Variants in COL24A1 observed in about 807,000 individuals in gnomAD.
The protein encoded by COL24A1 is collagen alpha-1(XXIV) chain.
COL24A1 carries 224 observed loss-of-function variants against 253.9 expected under a neutral mutation model. The ratio of observed to expected loss-of-function variants is 0.88; its 90% CI spans 0.79 to 0.99. The LOEUF is 0.99. COL24A1 is among the 50% of genes least tolerant of loss of function. COL24A1 has a pLI of 0.00. For synonymous variants in COL24A1, 685 were observed against 673.7 expected (o/e 1.02, Z -0.26); for missense variants, 2,131 against 2,068.5 (o/e 1.03, Z -0.59).
intron 47 of COL24A1, among the ~76,000 whole-genome samples, chr1:85,803,748 G>A (rs567007909): frequency 1.0e-3 from 159 of 152,106 alleles, no homozygotes; most frequent in African/African-American, 3.1e-3. Flanking sequence ...TCAGTTTTCC[G>A]TAGATTTTGG....
intron 31 of COL24A1, 76 bp downstream of exon 31, chr1:85,895,778 CCAAA>C (rs1489847622): frequency 2.4e-5 from 27 of 1,137,374 alleles, no homozygotes; most frequent in Middle Eastern, 2.8e-4. Flanking sequence ...AAAAAATCCC[CCAAA>C]CATTGTTTGA....
At chr1:86,137,156 G>A (rs11161750) in intron 2 of COL24A1, among the ~76,000 whole-genome samples, 66,902 of 151,910 alleles carry the variant, frequency 0.44, 16,787 homozygotes, top group Non-Finnish European at 0.57. Flanking sequence ...CTAAGTTGCC[G>A]GAAGTAAATT....
At chr1:86,156,965 T>C (rs1653718106), upstream of COL24A1, 2 of 152,322 alleles carry the variant, frequency 1.3e-5, no homozygotes, top group Admixed American at 1.3e-4. Context: ...TGCCGCCGGC[T>C]GCTTTGCCTG....
At chr1:85,777,331 A>G (rs1668646937) in intron 52 of COL24A1, among the ~76,000 whole-genome samples, 1 of 152,120 alleles carries the variant, frequency 6.6e-6, no homozygotes, top group South Asian at 2.1e-4. Context: ...ACAACCTGGT[A>G]TGTATGTTTT....
chr1:85,773,890 A>G (rs1225993171), intron 53 of COL24A1, among the ~76,000 whole-genome samples: 2 of 152,300 alleles, frequency 1.3e-5, no homozygotes, highest in South Asian at 4.1e-4. Context: ...TTCCCTGGCC[A>G]GAACTTCCAA....
intron 52 of COL24A1, among the ~76,000 whole-genome samples, chr1:85,777,974 C>G (rs1443700745): frequency 6.6e-6 from 1 of 151,790 alleles, no homozygotes; most frequent in Non-Finnish European, 1.5e-5. Flanking sequence ...ATTGAACTTT[C>G]TTTTTCAAAC....
intron 20 of COL24A1, among the ~76,000 whole-genome samples, chr1:85,982,940 T>C (rs1364433157): frequency 6.6e-6 from 1 of 152,034 alleles, no homozygotes; most frequent in Non-Finnish European, 1.5e-5. Flanking sequence ...TCTTCAGGAC[T>C]GGGTCAAAGT....
chr1:86,073,287 T>A (rs1702000037), intron 7 of COL24A1, among the ~76,000 whole-genome samples: 4 of 152,100 alleles, frequency 2.6e-5, no homozygotes, highest in African/African-American at 7.2e-5. Context: ...ATAAATGACC[T>A]GATGGAGCTG....
intron 7 of COL24A1, among the ~76,000 whole-genome samples, chr1:86,073,929 T>C (rs1264558648): frequency 1.3e-5 from 2 of 152,166 alleles, no homozygotes; most frequent in Non-Finnish European, 2.9e-5. Flanking sequence ...GTGAGAGATT[T>C]TGTCACCACC....
At chr1:85,778,855 C>T (rs192728772) in intron 52 of COL24A1, among the ~76,000 whole-genome samples, 4 of 152,168 alleles carry the variant, frequency 2.6e-5, no homozygotes, top group East Asian at 1.9e-4. Flanking sequence ...CTGCCCACCT[C>T]GGCCTCCCAA....
At chr1:86,002,765 G>A (rs1335858324) in intron 19 of COL24A1, among the ~76,000 whole-genome samples, 1 of 152,148 alleles carries the variant, frequency 6.6e-6, no homozygotes, top group Non-Finnish European at 1.5e-5. Context: ...TGAAGATTTA[G>A]GATCCCAGTG....
At chr1:85,920,001 T>C (rs1686284137) in intron 24 of COL24A1, among the ~76,000 whole-genome samples, 1 of 152,210 alleles carries the variant, frequency 6.6e-6, no homozygotes, top group African/African-American at 2.4e-5. Flanking sequence ...CAAATCAATT[T>C]CTTCAATAAA....
chr1:86,120,425 T>C (rs1004570736), intron 3 of COL24A1, among the ~76,000 whole-genome samples: 1 of 152,016 alleles, frequency 6.6e-6, no homozygotes, highest in South Asian at 2.1e-4. Context: ...AATCTACAAA[T>C]AACTTAAACA....
chr1:85,854,343 A>G (rs1678167520), intron 37 of COL24A1, among the ~76,000 whole-genome samples: 1 of 152,132 alleles, frequency 6.6e-6, no homozygotes, highest in Non-Finnish European at 1.5e-5. Context: ...TTGTACCAGT[A>G]CAATATTGTT....
intron 28 of COL24A1, among the ~76,000 whole-genome samples, chr1:85,906,220 C>T (rs953488297): frequency 5.0e-5 from 7 of 138,614 alleles, no homozygotes; most frequent in African/African-American, 8.2e-5. Context: ...ACTGGGAATT[C>T]ATTAACAATT....
intron 7 of COL24A1, among the ~76,000 whole-genome samples, chr1:86,064,165 G>C (rs1006580228): frequency 2.0e-5 from 3 of 151,996 alleles, no homozygotes; most frequent in Admixed American, 2.0e-4. Context: ...GACATAATCT[G>C]TTTGTAATTA....
intron 7 of COL24A1, among the ~76,000 whole-genome samples, chr1:86,083,749 C>A (rs1296909984): frequency 6.6e-6 from 1 of 152,006 alleles, no homozygotes; most frequent in Non-Finnish European, 1.5e-5. Flanking sequence ...GAGAAGCAAG[C>A]CAAGGTGAAG....
At chr1:85,970,919 T>C (rs1479406618) in intron 21 of COL24A1, among the ~76,000 whole-genome samples, 1 of 152,128 alleles carries the variant, frequency 6.6e-6, no homozygotes, top group Non-Finnish European at 1.5e-5. Context: ...CAAAATAAAG[T>C]GTTAACTTGA....
chr1:86,135,128 C>T lies in COL24A1; in HGVS notation c.122-8914G>A, dbSNP rs539533122. On this transcript the variant is annotated intron_variant, in intron 2 of 59. Transcript: ENST00000370571. ...ATGGCCTTCTTTGTCTCTTTTGATCCTTGTTGGTTTAAAGTCTGTTTTATC... is the reference window on the plus strand; with the variant it reads ...ATGGCCTTCTTTGTCTCTTTTGATCTTTGTTGGTTTAAAGTCTGTTTTATC... 2.7e-5 allele frequency among the ~76,000 whole-genome samples: 4 copies of T among 150,060 alleles called. No homozygotes were observed. The East Asian group carries it at 5.9e-4, about 22-fold the overall frequency.
Sources: gnomAD v4.1 joint callset for allele counts (sites outside exome capture counted in the v4.1 genomes callset) on GRCh38, gnomAD v4.1.1 for gene constraint, MANE v1.5 for transcripts, NCBI Gene and HGNC (gene_info 2026-07-23, HGNC 2026-07-21) for gene names.